Variants in NEDD9 observed in about 807,000 individuals in gnomAD.
The protein encoded by NEDD9 is neural precursor cell expressed, developmentally down-regulated 9, also known as enhancer of filamentation 1.
A neutral mutation model predicts 76.6 loss-of-function variants in NEDD9; 26 were observed. The ratio of observed to expected loss-of-function variants is 0.34; its 90% CI spans 0.25 to 0.47. NEDD9 has a LOEUF of 0.47. Ranked by LOEUF, NEDD9 falls within the 20% of genes least tolerant of loss-of-function variation. The pLI, the probability that NEDD9 is intolerant of heterozygous loss-of-function variation, is 1.00. For synonymous variants in NEDD9, 392 were observed against 414.2 expected (o/e 0.95, Z 0.65); for missense variants, 937 against 1,058.5 (o/e 0.89, Z 1.59).
Position 11,296,166 on chromosome 6 carries a change from C to T in NEDD9, c.12+9826G>A, listed in dbSNP as rs542096472. ...AGAGAGGCTTCAGGAGAAATCAACC[C>T]TGCAGACACCTTATCTTGGACTTCC... On this transcript the variant is annotated intron_variant, in intron 3 of 3. Transcript: ENST00000397378. 2.0e-5 allele frequency among the ~76,000 whole-genome samples: 3 copies of T among 152,190 alleles called. No individual in the cohort carries two copies. The South Asian group carries it at 6.2e-4, about 32-fold the overall frequency.
chr6:11,236,524 A>G (rs947849433), upstream of NEDD9, among the ~76,000 whole-genome samples: 1 of 152,226 alleles, frequency 6.6e-6, no homozygotes, highest in Non-Finnish European at 1.5e-5. This position sits in a 1 kb window ranked among gnomAD's most constrained non-coding sequence, Gnocchi z 5.5. Context: ...AGTGAAGAGC[A>G]TGTGAGGGCA....
At chr6:11,307,312 C>T (rs76921560) in intron 2 of NEDD9, among the ~76,000 whole-genome samples, 102 of 152,236 alleles carry the variant, frequency 6.7e-4, no homozygotes, top group African/African-American at 1.7e-3. Context: ...GTTTGATAAA[C>T]GCAGTATTTA....
intron 2 of NEDD9, among the ~76,000 whole-genome samples, chr6:11,319,843 C>T (rs929422657): frequency 1.3e-5 from 2 of 151,434 alleles, no homozygotes; most frequent in African/African-American, 2.4e-5. Flanking sequence ...CACTCACGCA[C>T]TCATGCACAC....
At chr6:11,304,023 C>A (rs1367817972) in intron 3 of NEDD9, among the ~76,000 whole-genome samples, 1 of 152,120 alleles carries the variant, frequency 6.6e-6, no homozygotes, top group Non-Finnish European at 1.5e-5. Flanking sequence ...GAACAGGCAG[C>A]CTACAGAATG....
intron 1 of NEDD9, among the ~76,000 whole-genome samples, chr6:11,379,313 C>T (rs1003449458): frequency 2.6e-5 from 4 of 152,132 alleles, no homozygotes; most frequent in South Asian, 2.1e-4. Flanking sequence ...TTGGGCCGGG[C>T]GCAGTGGCTC....
intron 1 of NEDD9, among the ~76,000 whole-genome samples, chr6:11,360,657 G>A (rs4713459): frequency 0.2 from 30,911 of 152,064 alleles, 3,237 homozygotes; most frequent in African/African-American, 0.25. Flanking sequence ...TGCTATGATT[G>A]AAAGTTTCCT....
chr6:11,310,026 G>T (rs1380226150), intron 2 of NEDD9, among the ~76,000 whole-genome samples: 2 of 152,164 alleles, frequency 1.3e-5, no homozygotes, highest in African/African-American at 4.8e-5. Context: ...TAGGAGGGCA[G>T]CTGGTACCAA....
At chr6:11,195,629 C>T (rs1163999181) in intron 2 of NEDD9, among the ~76,000 whole-genome samples, 1 of 152,194 alleles carries the variant, frequency 6.6e-6, no homozygotes, top group Non-Finnish European at 1.5e-5. Context: ...TCCAAGGTTG[C>T]CAACTTAGCA....
chr6:11,232,478 G>A (rs774426805), intron 1 of NEDD9, 26 bp downstream of exon 1: 19 of 1,613,992 alleles, frequency 1.2e-5, no homozygotes, highest in East Asian at 8.9e-5. Flanking sequence ...AGCTTGCAAG[G>A]TAACCTGTAA....
upstream of NEDD9, among the ~76,000 whole-genome samples, chr6:11,236,593 T>A (rs2113280846): frequency 6.6e-6 from 1 of 152,332 alleles, no homozygotes; most frequent in South Asian, 2.1e-4. The surrounding 1 kb of genome is among the most constrained non-coding windows in gnomAD (Gnocchi z 5.5). Context: ...GAGCTGTCTG[T>A]CGCTCAGAGA....
chr6:11,213,416 C>T lies in NEDD9; in HGVS notation c.324G>A (p.Val108=). The T allele has an allele frequency of 6.2e-7, 1 of 1,613,888 alleles. No homozygotes were observed. Among genetic ancestry groups the T allele is most frequent in the Non-Finnish European group, 8.5e-7 (1 of 1,180,000 alleles). The change falls in exon 2 of 7, where the codon GTG becomes GTA. Residue 108 remains valine, a synonymous_variant. Transcript: ENST00000379446. The surrounding 1 kb of genome is among the most constrained non-coding windows in gnomAD (Gnocchi z 5.4). ...TTCCCTGATTTTGGTAGGAAGGTGGCACTTGGTAGATGGTGTCTCGGGGAG... is the reference window on the plus strand; with the variant it reads ...TTCCCTGATTTTGGTAGGAAGGTGGTACTTGGTAGATGGTGTCTCGGGGAG... ...QAAPRDTIYQ[V]PPSYQNQGIY... is the part of the protein sequence containing the mutation.
intron 3 of NEDD9, among the ~76,000 whole-genome samples, chr6:11,256,319 G>A (rs1760005525): frequency 6.6e-6 from 1 of 152,148 alleles, no homozygotes; most frequent in African/African-American, 2.4e-5. Context: ...CCTGCCAGGT[G>A]TATGTGCAGC....
Position 11,300,695 on chromosome 6 carries a change from TG to T in NEDD9, c.12+5296del, listed in dbSNP as rs538382168. Among the ~76,000 whole-genome samples, 22 of 152,066 alleles carry T rather than the reference TG, an allele frequency of 1.4e-4. No individual in the cohort carries two copies. In the South Asian group the frequency reaches 2.3e-3, roughly 16 times the overall value. On this transcript the variant is annotated intron_variant, in intron 3 of 3. Transcript: ENST00000397378. ...AGAAACCCTACAAGCCAGAAGAGAG[TG>T]GGGGCCAATATTCAACATTCTTAAA... is the stretch of plus-strand genomic sequence containing the variant.
chr6:11,378,374 A>G lies in NEDD9; in HGVS notation c.-214+3765T>C, dbSNP rs527882776. ...AGCTTCCAGAGGCCTCACCAGAAGC[A>G]GATGCCAGCACCATGCTTCCTATAC... On this transcript the variant is annotated intron_variant, in intron 1 of 3. Coordinates refer to the NEDD9 transcript ENST00000397378. 2.6e-5 allele frequency among the ~76,000 whole-genome samples: 4 copies of G among 152,328 alleles called. No individual in the cohort carries two copies. In the South Asian group the frequency reaches 8.3e-4, roughly 32 times the overall value.
intron 2 of NEDD9, among the ~76,000 whole-genome samples, chr6:11,207,981 C>T (rs1758659910): frequency 6.6e-6 from 1 of 152,154 alleles, no homozygotes; most frequent in African/African-American, 2.4e-5. Context: ...AGTTCAAGAC[C>T]AGCCTGGCCA....
chr6:11,259,324 G>T lies in NEDD9; in HGVS notation c.13-45597C>A, dbSNP rs769922179. On this transcript the variant is annotated intron_variant, in intron 3 of 3. Transcript: ENST00000397378. ...CCAAAGGCCAACCTGGAAGGGGGCA[G>T]CAAGGGCTAATCTCAAGTTTTTAAC... 9.4e-4 allele frequency among the ~76,000 whole-genome samples: 143 copies of T among 152,318 alleles called. 1 individual carries two copies. Among genetic ancestry groups the T allele is most frequent in the Non-Finnish European group, 1.7e-3 (115 of 68,034 alleles).
intron 1 of NEDD9, among the ~76,000 whole-genome samples, chr6:11,356,185 G>A (rs1332368008): frequency 2.0e-5 from 3 of 152,180 alleles, no homozygotes; most frequent in Non-Finnish European, 4.4e-5. Context: ...CTCTCCGAGG[G>A]ACCACCCTCT....
chr6:11,322,644 C>A (rs1761835014), intron 2 of NEDD9, among the ~76,000 whole-genome samples: 1 of 152,182 alleles, frequency 6.6e-6, no homozygotes, highest in Non-Finnish European at 1.5e-5. Flanking sequence ...CCCTCCTTCC[C>A]TGATGGTTTG....
intron 3 of NEDD9, among the ~76,000 whole-genome samples, chr6:11,301,691 A>G (rs953048246): frequency 6.6e-6 from 1 of 152,252 alleles, no homozygotes; most frequent in South Asian, 2.1e-4. Context: ...CAATCAAATT[A>G]GAACTCAGGA....
Sources: allele counts gnomAD v4.1 joint callset (sites outside exome capture counted in the v4.1 genomes callset), GRCh38; gene constraint gnomAD v4.1.1; non-coding constraint Gnocchi (gnomAD v3.1); transcripts MANE v1.5; gene names NCBI Gene and HGNC (gene_info 2026-07-23, HGNC 2026-07-21).